The following VPS13B variants were observed in gnomAD, a reference collection of about 807,000 sequenced individuals.
VPS13B encodes the protein vacuolar protein sorting 13 homolog B.
In VPS13B, 285 loss-of-function variants were observed where a neutral mutation model predicts 426.4. The ratio of observed to expected loss-of-function variants is 0.67; its 90% confidence interval spans 0.61 to 0.74. VPS13B has a LOEUF of 0.74. Among genes scored for constraint, VPS13B ranks in the 30% least tolerant of loss-of-function variants. The pLI, the probability that VPS13B is intolerant of heterozygous loss-of-function variation, is 0.00. For missense variants in VPS13B, 4,537 were observed against 4,782.6 expected (o/e 0.95, Z 1.51); for synonymous variants, 1,676 against 1,676.4 (o/e 1.00, Z 0.01).
chr8:99,665,634 T>C (rs1031273326), intron 35 of VPS13B, among the ~76,000 whole-genome samples: 3 of 152,154 alleles, frequency 2.0e-5, no homozygotes, highest in Non-Finnish European at 4.4e-5. Flanking sequence ...GTTGTAGATA[T>C]GCAGCATTAT....
intron 17 of VPS13B, chr8:99,234,450 C>T (rs1361199039): frequency 1.6e-6 from 1 of 634,380 alleles, no homozygotes; most frequent in East Asian, 3.9e-5. Flanking sequence ...CCATGCAATT[C>T]CACTTTACCT....
In VPS13B at chr8:99,763,596, G is replaced by C. The variant is rs1563905737; in HGVS notation, c.7051-3178G>C. 1.3e-5 allele frequency among the ~76,000 whole-genome samples: 2 copies of C among 152,276 alleles called. 1 individual carries two copies. The highest frequency in any genetic ancestry group is 4.1e-4 in the South Asian group (2 of 4,822). On this transcript the variant is annotated intron_variant, in intron 39 of 61. Transcript: ENST00000357162. ...TTTTTCCATCTGGGGAGGTGAAAAG[G>C]CTGAGATAGGTGGTATTCTATTTGG... is the stretch of plus-strand genomic sequence containing the variant.
chr8:99,596,979 A>G (rs1190403493), intron 33 of VPS13B, among the ~76,000 whole-genome samples: 1 of 152,016 alleles, frequency 6.6e-6, no homozygotes, highest in Non-Finnish European at 1.5e-5. Context: ...CTTCCTCAAT[A>G]CTTCGAACAT....
intron 33 of VPS13B, among the ~76,000 whole-genome samples, chr8:99,588,659 A>AT (rs1157674585): frequency 6.6e-6 from 1 of 151,682 alleles, no homozygotes; most frequent in Non-Finnish European, 1.5e-5. Flanking sequence ...TTGCACATTG[A>AT]TTTTGTATCC....
chr8:99,827,504 A>G (rs1342581025), intron 51 of VPS13B, among the ~76,000 whole-genome samples: 5 of 129,364 alleles, frequency 3.9e-5, no homozygotes, highest in Non-Finnish European at 8.2e-5. Context: ...TATTTTGTTG[A>G]TCTTTTCAAA....
chr8:99,669,847 A>G (rs557345162), intron 35 of VPS13B, among the ~76,000 whole-genome samples: 3 of 152,156 alleles, frequency 2.0e-5, no homozygotes, highest in South Asian at 4.1e-4. Context: ...CTTATATTGT[A>G]TGGATTAATG....
Position 99,642,091 on chromosome 8 carries a change from C to T in VPS13B, c.5501C>T (p.Ser1834Leu), listed in dbSNP as rs144257406. 1.8e-3 allele frequency: 2,913 copies of T among 1,614,046 alleles called. 97 individuals carry two copies. In the Admixed American group the frequency reaches 0.045, roughly 25 times the overall value. Residue 1834 changes from serine to leucine, a missense_variant, in exon 34 of 62, where the codon TCG becomes TTG. Transcript: ENST00000357162. ...TATTCCTGTATGGCCTTATCCAAAT[C>T]GAAATCACAAGAACAGAAGAATAAT... ...MTYSCMALSKSKSQEQKNNEK... is the reference protein window; with the variant it reads ...MTYSCMALSKLKSQEQKNNEK...
At chr8:99,584,150 C>A (rs1211338006) in intron 33 of VPS13B, among the ~76,000 whole-genome samples, 1 of 152,064 alleles carries the variant, frequency 6.6e-6, no homozygotes, top group Non-Finnish European at 1.5e-5. Flanking sequence ...AAATCTAGGC[C>A]TGGAAAAGAT....
chr8:99,507,415 A>G (rs1408957582), intron 28 of VPS13B, among the ~76,000 whole-genome samples: 3 of 152,226 alleles, frequency 2.0e-5, no homozygotes, highest in African/African-American at 7.2e-5. Flanking sequence ...ACAATTAAGT[A>G]AATTTATCAA....
intron 49 of VPS13B, 120 bp from the exon 50 acceptor site, chr8:99,821,174 G>A (rs1411756882): frequency 4.4e-6 from 3 of 679,742 alleles, no homozygotes; most frequent in African/African-American, 4.1e-5. Flanking sequence ...ACACCATGGA[G>A]GGATATTTGG....
intron 57 of VPS13B, among the ~76,000 whole-genome samples, chr8:99,860,031 CTG>C (rs1305062413): frequency 4.6e-5 from 7 of 152,100 alleles, no homozygotes. Flanking sequence ...TTAGTTTTAT[CTG>C]TGTGTGTGTG....
At chr8:99,488,183 A>G (rs943884574) in intron 25 of VPS13B, among the ~76,000 whole-genome samples, 24 of 152,158 alleles carry the variant, frequency 1.6e-4, no homozygotes, top group Admixed American at 1.2e-3. Flanking sequence ...TCATCTTAAT[A>G]TCATTTGCTT....
chr8:99,242,098 A>C (rs1167283284), intron 17 of VPS13B, among the ~76,000 whole-genome samples: 1 of 152,128 alleles, frequency 6.6e-6, no homozygotes, highest in African/African-American at 2.4e-5. Context: ...CGCCTGCCTC[A>C]GCCTCCCAAG....
chr8:99,158,350 G>A (rs553398724), intron 15 of VPS13B, among the ~76,000 whole-genome samples: 252 of 152,216 alleles, frequency 1.7e-3, no homozygotes, highest in African/African-American at 5.6e-3. Context: ...GGCCAACATG[G>A]TGAAACCCCA....
intron 19 of VPS13B, chr8:99,340,548 G>T: frequency 2.1e-6 from 1 of 467,990 alleles, no homozygotes; most frequent in South Asian, 1.7e-5. Context: ...GGAGGTGTCT[G>T]GTCACCTGGG....
intron 17 of VPS13B, among the ~76,000 whole-genome samples, chr8:99,255,805 T>C (rs772733696): frequency 2.0e-4 from 31 of 152,000 alleles, no homozygotes; most frequent in Admixed American, 1.8e-3. Flanking sequence ...AATTTTTGAC[T>C]CTCCACTAGG....
intron 35 of VPS13B, among the ~76,000 whole-genome samples, chr8:99,664,584 T>A (rs1024343624): frequency 1.3e-5 from 2 of 152,100 alleles, no homozygotes; most frequent in Admixed American, 6.5e-5. Context: ...TTTTTCTCCT[T>A]GTGATAGTTT....
Position 99,848,818 on chromosome 8 carries a change from G to A in VPS13B, c.9985G>A (p.Val3329Ile), listed in dbSNP as rs77308610. 5.0e-6 allele frequency: 8 copies of A among 1,614,012 alleles called. No homozygotes were observed. The highest frequency in any genetic ancestry group is 5.9e-6 in the Non-Finnish European group (7 of 1,180,014). The change falls in exon 55 of 62, where the codon GTA becomes ATA. Residue 3329 changes from valine (V) to isoleucine (I), a missense_variant. Transcript: ENST00000357162. Reference protein sequence around the residue: ...TGFGYVYVDVVHQCGTVFITV... With the variant: ...TGFGYVYVDVIHQCGTVFITV... ...CTTTGGCTATGTGTATGTGGATGTT[G>A]TACATCAGTGTGGCACAGTCTTCAT...
At chr8:99,515,805 A>G (rs1217414174) in intron 29 of VPS13B, among the ~76,000 whole-genome samples, 1 of 151,964 alleles carries the variant, frequency 6.6e-6, no homozygotes, top group Non-Finnish European at 1.5e-5. Context: ...GCTATTTCTT[A>G]CTCTTACCCT....
Sources: allele counts gnomAD v4.1 joint callset (sites outside exome capture counted in the v4.1 genomes callset), GRCh38; gene constraint gnomAD v4.1.1; transcripts MANE v1.5; gene names NCBI Gene and HGNC (gene_info 2026-07-23, HGNC 2026-07-21).